Variants in SLC1A4 observed in about 807,000 individuals in gnomAD.
SLC1A4 encodes the protein neutral amino acid transporter A.
Under a neutral mutation model 37.7 loss-of-function variants are expected in SLC1A4, and 19 were observed. The observed-to-expected ratio is 0.50, with a 90% CI of 0.35 to 0.74. The LOEUF (loss-of-function observed/expected upper bound fraction) is 0.74, where lower values mean the gene tolerates loss of function less well. Ranked by LOEUF, SLC1A4 falls within the 30% of genes least tolerant of loss-of-function variation. SLC1A4 has a pLI of 0.01. For synonymous variants in SLC1A4, 299 were observed against 309.8 expected, an observed-to-expected ratio of 0.97 and a Z score of 0.37; for missense variants, 570 against 712.9, an observed-to-expected ratio of 0.80 and a Z score of 2.28.
chr2:64,989,250 C>T (rs113137939), upstream of SLC1A4, among the ~76,000 whole-genome samples: 2 of 85,098 alleles, frequency 2.4e-5, no homozygotes, highest in African/African-American at 8.3e-5. Flanking sequence ...CAGAGGCTCC[C>T]GGCGGCGGCT....
chr2:65,011,720 T>C (rs778705137), intron 4 of SLC1A4, among the ~76,000 whole-genome samples: 1 of 152,216 alleles, frequency 6.6e-6, no homozygotes, highest in Non-Finnish European at 1.5e-5. Flanking sequence ...TATCAATCTC[T>C]CATAAGCTTT....
intron 2 of SLC1A4, among the ~76,000 whole-genome samples, chr2:65,002,609 A>T (rs111352914): frequency 1.0e-5 from 1 of 96,698 alleles, no homozygotes; most frequent in African/African-American, 4.1e-5. Flanking sequence ...ACAGAGTCTC[A>T]CTCTGTTGCC....
chr2:64,989,513 C>T lies in SLC1A4; in HGVS notation c.-131C>T. The T allele has an allele frequency of 3.9e-6, 3 of 773,316 alleles. No homozygotes were observed. Among genetic ancestry groups the T allele is most frequent in the South Asian group, 3.6e-5 (1 of 27,940 alleles). 47.9% of individuals were successfully genotyped at this position (773,316 alleles called of 1,614,324 possible). On this transcript the variant is annotated 5_prime_UTR_variant, in exon 1 of 8. Transcript: ENST00000234256. ...CTCGCACCTGCTCCTGCGCCAGGCC[C>T]GGAGACCCCCGGGGCGGCTTCCCAG...
chr2:65,010,896 C>CCCTG lies in SLC1A4; in HGVS notation c.800+134_800+135insCTGC, dbSNP rs952751127. The CCCTG allele has an allele frequency of 2.8e-5, 25 of 880,516 alleles. No homozygotes were observed. In the African/African-American group the frequency reaches 4.0e-4, roughly 14 times the overall value. 54.5% of individuals were successfully genotyped at this position (880,516 alleles called of 1,614,324 possible). A position where few individuals can be genotyped will look rare whatever the true frequency, so the allele number is the denominator to read the frequency against. On this transcript the variant is annotated intron_variant, in intron 4 of 7. Transcript: ENST00000234256. ...GTGTATGTGGTTGATGCACCATGAG[C>CCCTG]CAGGCTTGGTACAGGGGATGATGGA...
At chr2:64,998,160 C>T (rs112387706) in intron 1 of SLC1A4, among the ~76,000 whole-genome samples, 14 of 152,248 alleles carry the variant, frequency 9.2e-5, no homozygotes, top group African/African-American at 3.1e-4. Context: ...TGGTGTGAAC[C>T]TCGGAGGCGG....
chr2:65,008,217 A>G (rs1673763673), intron 3 of SLC1A4, among the ~76,000 whole-genome samples: 1 of 152,232 alleles, frequency 6.6e-6, no homozygotes, highest in Admixed American at 6.5e-5. Context: ...CATCCAGCTC[A>G]TAGAATCCTA....
chr2:65,001,597 C>T (rs745920649), intron 2 of SLC1A4, 107 bp downstream of exon 2: 1 of 988,098 alleles, frequency 1.0e-6, no homozygotes, highest in African/African-American at 1.6e-5. Flanking sequence ...GTGGTGTTAA[C>T]AAAACTTGGT....
At chr2:65,002,433 G>A (rs1046718818) in intron 2 of SLC1A4, among the ~76,000 whole-genome samples, 1 of 151,174 alleles carries the variant, frequency 6.6e-6, no homozygotes, top group African/African-American at 2.4e-5. Flanking sequence ...TCTGCATAAC[G>A]CCACGGCTGT....
chr2:65,001,663 AAAAT>A (rs1303195772), intron 2 of SLC1A4, among the ~76,000 whole-genome samples, 173 bp downstream of exon 2: 1 of 152,204 alleles, frequency 6.6e-6, no homozygotes, highest in African/African-American at 2.4e-5. Context: ...CAACAACAAT[AAAAT>A]AAATAAATAA....
At chr2:64,994,811 C>A (rs1328918950) in intron 1 of SLC1A4, 1 of 151,908 alleles carries the variant, frequency 6.6e-6, no homozygotes, top group Non-Finnish European at 1.5e-5. Flanking sequence ...GGCCTCCGTG[C>A]AAGGATGACA....
chr2:65,020,916 C>T lies in SLC1A4; in HGVS notation c.1369C>T (p.Arg457Trp), dbSNP rs761533681. The T allele has an allele frequency of 2.5e-5, 40 of 1,611,924 alleles. No homozygotes were observed. The Admixed American group carries it at 5.3e-4, about 21-fold the overall frequency. The change falls in exon 8 of 8, where the codon CGG (arginine) becomes TGG (tryptophan). Residue 457 changes from arginine to tryptophan, a missense_variant. Arg to Trp is a moderately radical substitution (Grantham distance 101). Coordinates refer to ENST00000234256, the MANE Select transcript of SLC1A4 (RefSeq NM_003038.5). ...TGCCTCTTCTTTTCCCACCAGGGAC[C>T]GGACCACCACGGTGGTGAATGTGGA... ...LILAVDWIVD[R>W]TTTVVNVEGD... is the part of the protein sequence containing the mutation.
chr2:64,999,434 A>G (rs1673383811), intron 1 of SLC1A4: 1 of 152,158 alleles, frequency 6.6e-6, no homozygotes, highest in Non-Finnish European at 1.5e-5. Context: ...GCATCTTATT[A>G]ACTTTGTTGG....
rs1036438677 is a variant in SLC1A4, at chr2:65,021,658, T to C, written c.*512T>C. ...GGGACTCAGGTGTTTAAAGAGTTTG[T>C]GCTATAGCTAGGTGTGGATAGCTTC... is the stretch of plus-strand genomic sequence containing the variant. On this transcript the variant is annotated 3_prime_UTR_variant, in exon 8 of 8. Transcript: ENST00000234256. 4 of 158,910 alleles carry C rather than the reference T, an allele frequency of 2.5e-5. No individual in the cohort carries two copies. Among genetic ancestry groups the C allele is most frequent in the African/African-American group, 9.6e-5 (4 of 41,506 alleles). 9.8% of individuals were successfully genotyped at this position (158,910 alleles called of 1,614,324 possible).
chr2:65,011,076 G>A (rs139532751), intron 4 of SLC1A4, among the ~76,000 whole-genome samples: 3 of 152,282 alleles, frequency 2.0e-5, no homozygotes, highest in East Asian at 3.9e-4. Flanking sequence ...CATGTGGGTT[G>A]CCCATGTCAT....
In SLC1A4 at chr2:64,989,892, C is replaced by G; in HGVS notation, c.249C>G (p.Leu83=). 4 of 1,550,460 alleles carry G rather than the reference C, an allele frequency of 2.6e-6. No homozygotes were observed. The highest frequency in any genetic ancestry group is 3.5e-6 in the Non-Finnish European group (4 of 1,151,628). ...TYLAFPGEML[L]RMLRMIILPL... is the part of the protein sequence containing the mutation. ...TGGCCTTCCCCGGCGAGATGCTGCT[C>G]CGCATGCTGCGCATGATCATCCTGC... The change falls in exon 1 of 8, where the codon CTC becomes CTG. Residue 83 remains leucine (L), a synonymous_variant. Transcript: ENST00000234256.
intron 1 of SLC1A4, 71 bp from the exon 2 acceptor site, chr2:65,001,376 TG>T: frequency 7.1e-7 from 1 of 1,411,034 alleles, no homozygotes; most frequent in Non-Finnish European, 1.0e-6. Flanking sequence ...CACTCCAGCC[TG>T]GGCAACAGGG....
intron 4 of SLC1A4, 37 bp from the exon 5 acceptor site, chr2:65,016,403 A>G (rs759662764): frequency 1.0e-5 from 16 of 1,529,672 alleles, no homozygotes; most frequent in Non-Finnish European, 1.2e-5. Flanking sequence ...CCCCAGCTTT[A>G]TCCCCCACTG....
At chr2:64,988,820 C>T (rs868603156), upstream of SLC1A4, among the ~76,000 whole-genome samples, 3 of 152,186 alleles carry the variant, frequency 2.0e-5, no homozygotes, top group Non-Finnish European at 4.4e-5. Context: ...GGCCCCCTCA[C>T]CGCGCCCGGC....
intron 1 of SLC1A4, among the ~76,000 whole-genome samples, chr2:64,992,572 T>G (rs1673099465): frequency 6.6e-6 from 1 of 152,160 alleles, no homozygotes; most frequent in Non-Finnish European, 1.5e-5. Context: ...ATTTTATGAC[T>G]GACAAAACTG....
Sources: allele counts gnomAD v4.1 joint callset (sites outside exome capture counted in the v4.1 genomes callset), GRCh38; gene constraint gnomAD v4.1.1; transcripts MANE v1.5; gene names NCBI Gene and HGNC (gene_info 2026-07-23, HGNC 2026-07-21).